Variants in STX8 observed in about 807,000 individuals in gnomAD.
STX8 encodes the protein syntaxin 8, also known as syntaxin-8.
Under a neutral mutation model 37.5 loss-of-function variants are expected in STX8, and 23 were observed. The ratio of observed to expected loss-of-function variants is 0.61; its 90% CI spans 0.44 to 0.87. The LOEUF is 0.87. STX8 is among the 40% of genes least tolerant of loss of function. The probability of loss-of-function intolerance (pLI) is 0.00; values close to 1 mark genes in which losing one functional copy is unlikely to be tolerated. For synonymous variants in STX8, 115 were observed against 99.1 expected, an observed-to-expected ratio of 1.16 and a Z score of -0.95; for missense variants, 313 against 284.7, an observed-to-expected ratio of 1.10 and a Z score of -0.71.
chr17:9,338,576 T>C (rs12943428), intron 7 of STX8, among the ~76,000 whole-genome samples: 22,838 of 152,168 alleles, frequency 0.15, 1,928 homozygotes, highest in African/African-American at 0.21. Flanking sequence ...ACCACTCACA[T>C]GGTCTTTGTC....
Position 9,527,036 on chromosome 17 carries a change from G to A in STX8, c.323+18136C>T, listed in dbSNP as rs1406544550. Among the ~76,000 whole-genome samples, 66 of 146,262 alleles carry A rather than the reference G, an allele frequency of 4.5e-4. 1 individual carries two copies. Among genetic ancestry groups the A allele is most frequent in the African/African-American group, 2.0e-4 (8 of 39,680 alleles). On this transcript the variant is annotated intron_variant, in intron 4 of 7. Transcript: ENST00000306357. ...CTACTAAAAATACAAAAAATTAGCC[G>A]GGCGCGGTGGCGGGCGCCTGTAGTC...
At chr17:9,545,136 C>T (rs1486441676) in intron 4 of STX8, 36 bp downstream of exon 4, 1 of 1,464,000 alleles carries the variant, frequency 6.8e-7, no homozygotes, top group Middle Eastern at 1.7e-4. Flanking sequence ...GAAGTCTTCG[C>T]CCACCAAGTA....
At chr17:9,431,407 T>A (rs1193835293) in intron 6 of STX8, among the ~76,000 whole-genome samples, 1 of 149,438 alleles carries the variant, frequency 6.7e-6, no homozygotes, top group African/African-American at 2.5e-5. Flanking sequence ...TTGCTGAGCA[T>A]CTCATTGGGT....
chr17:9,322,683 G>A (rs1465771715), intron 7 of STX8, among the ~76,000 whole-genome samples: 2 of 151,978 alleles, frequency 1.3e-5, no homozygotes, highest in East Asian at 3.9e-4. Flanking sequence ...CCTTGTTTAC[G>A]GCCTTAGTCT....
Position 9,505,021 on chromosome 17 carries a change from C to T in STX8, c.448+17G>A, listed in dbSNP as rs200669136. 1.1e-5 allele frequency: 18 copies of T among 1,583,548 alleles called. No homozygotes were observed. In the Admixed American group the frequency reaches 1.5e-4, roughly 13 times the overall value. The stretch of plus-strand genomic sequence containing the variant: ...TGGCAAGGTTTCTGAGCCCACACTC[C>T]TCAGGATATTTAGTACCTTGGATAA... On this transcript the variant is annotated intron_variant, in intron 5 of 7. Coordinates refer to ENST00000306357, the MANE Select transcript of STX8 (RefSeq NM_004853.3).
intron 7 of STX8, among the ~76,000 whole-genome samples, chr17:9,354,615 C>T (rs73270069): frequency 0.041 from 6,265 of 151,366 alleles, 422 homozygotes; most frequent in African/African-American, 0.14. Flanking sequence ...CCACCGTGCC[C>T]GGCCCATATT....
intron 6 of STX8, among the ~76,000 whole-genome samples, chr17:9,470,337 C>T (rs1905797412): frequency 6.6e-6 from 1 of 152,198 alleles, no homozygotes; most frequent in Non-Finnish European, 1.5e-5. Flanking sequence ...CTGTCTTTCC[C>T]TGCTCAAGCA....
At chr17:9,337,111 C>T (rs12941219) in intron 7 of STX8, among the ~76,000 whole-genome samples, 4,636 of 152,270 alleles carry the variant, frequency 0.03, 89 homozygotes, top group Non-Finnish European at 0.048. Context: ...AACATGTCGT[C>T]CCTACAAACA....
At chr17:9,307,174 C>G (rs907462621) in intron 7 of STX8, among the ~76,000 whole-genome samples, 1 of 152,004 alleles carries the variant, frequency 6.6e-6, no homozygotes, top group Non-Finnish European at 1.5e-5. Context: ...ACTCGTTTAC[C>G]AAGGTCTTAT....
intron 5 of STX8, among the ~76,000 whole-genome samples, chr17:9,497,206 CT>C (rs1481688488): frequency 6.6e-6 from 1 of 152,044 alleles, no homozygotes; most frequent in Non-Finnish European, 1.5e-5. Flanking sequence ...ATTAAAGAAA[CT>C]TAAGAGACAT....
chr17:9,378,157 A>G (rs1349614498), intron 7 of STX8: 1 of 165,126 alleles, frequency 6.1e-6, no homozygotes, highest in African/African-American at 2.4e-5. Flanking sequence ...GTGACTTGAC[A>G]AAGATACCAT....
intron 7 of STX8, among the ~76,000 whole-genome samples, chr17:9,292,913 T>TAC (rs2142165748): frequency 6.6e-6 from 1 of 152,232 alleles, no homozygotes; most frequent in Non-Finnish European, 1.5e-5. Context: ...CACAAGGCCT[T>TAC]ACACCCAACC....
At position 9,324,689 on chromosome 17, in the gene STX8, C is replaced by T. The variant is rs545720797; in HGVS notation, c.643+53863G>A. On this transcript the variant is annotated intron_variant, in intron 7 of 7. Coordinates refer to ENST00000306357, the MANE Select transcript of STX8 (RefSeq NM_004853.3). Reference sequence around the variant, plus strand: ...CTGAGGCAGGAGAACTGCTTGAACCCGGGAAGTGAAGGTTGCAGTGAGCCA... The same window carrying T: ...CTGAGGCAGGAGAACTGCTTGAACCTGGGAAGTGAAGGTTGCAGTGAGCCA... 3.6e-3 allele frequency among the ~76,000 whole-genome samples: 532 copies of T among 147,348 alleles called. 5 individuals carry two copies. The highest frequency in any genetic ancestry group is 0.013 in the African/African-American group (498 of 39,092).
At chr17:9,484,649 C>G (rs1169177633) in intron 6 of STX8, among the ~76,000 whole-genome samples, 3 of 118,540 alleles carry the variant, frequency 2.5e-5, no homozygotes, top group South Asian at 6.1e-4. Flanking sequence ...AACCCTGTCT[C>G]TACTAAAAAT....
intron 7 of STX8, among the ~76,000 whole-genome samples, chr17:9,321,953 C>A (rs981218659): frequency 2.0e-5 from 3 of 152,218 alleles, no homozygotes; most frequent in African/African-American, 7.2e-5. Context: ...TTGTTTAAAA[C>A]TGTGTAGATG....
chr17:9,394,834 G>A (rs541108166), intron 6 of STX8, among the ~76,000 whole-genome samples: 3 of 151,644 alleles, frequency 2.0e-5, no homozygotes, highest in African/African-American at 7.2e-5. Context: ...TTGGGAGGCC[G>A]AGGCAGGTGA....
In STX8 at chr17:9,443,611, G is replaced by T. The variant is rs563150632; in HGVS notation, c.541+48218C>A. On this transcript the variant is annotated intron_variant, in intron 6 of 7. Coordinates refer to ENST00000306357, the MANE Select transcript of STX8 (RefSeq NM_004853.3). ...CTTGAGCCACAGAACCACAGTCATT[G>T]TCCAACTGTGCAATAATCTGAGGCC... 8.6e-4 allele frequency among the ~76,000 whole-genome samples: 131 copies of T among 152,196 alleles called. 1 individual carries two copies. Among genetic ancestry groups the T allele is most frequent in the African/African-American group, 2.9e-3 (119 of 41,520 alleles).
In STX8 at chr17:9,413,628, AT is replaced by A; in HGVS notation, c.542-34976del. ...CTCAGATCTAAAGAAACAAGCTTCA[AT>A]CCTTGAGAAACTACTGCCAAGCTTC... On this transcript the variant is annotated intron_variant, in intron 6 of 7. Transcript: ENST00000306357. 2.0e-5 allele frequency among the ~76,000 whole-genome samples: 3 copies of A among 152,260 alleles called. No individual in the cohort carries two copies. In the South Asian group the frequency reaches 6.2e-4, roughly 32 times the overall value.
intron 7 of STX8, among the ~76,000 whole-genome samples, chr17:9,312,916 C>T (rs1293511345): frequency 4.6e-5 from 7 of 152,022 alleles, no homozygotes; most frequent in Non-Finnish European, 7.4e-5. Flanking sequence ...GTGGGCCAGG[C>T]GTGGTGGCTC....
Sources: allele counts gnomAD v4.1 joint callset (sites outside exome capture counted in the v4.1 genomes callset), GRCh38; gene constraint gnomAD v4.1.1; transcripts MANE v1.5; gene names NCBI Gene and HGNC (gene_info 2026-07-23, HGNC 2026-07-21).